The following CA12 variants were observed in gnomAD, a reference collection of about 807,000 sequenced individuals.
CA12 encodes carbonate dehydratase XII.
CA12 carries 36 observed loss-of-function variants against 46.8 expected under a neutral mutation model. The observed-to-expected ratio is 0.77, with a 90% CI of 0.59 to 1.02. CA12 has a LOEUF of 1.02. CA12 is among the 50% of genes least tolerant of loss of function. CA12 has a pLI of 0.00. For missense variants in CA12, 436 were observed against 451.4 expected (o/e 0.97, Z 0.31); for synonymous variants, 202 against 187.0 (o/e 1.08, Z -0.65).
chr15:63,327,985 G>A lies in CA12; in HGVS notation c.907+113C>T. On this transcript the variant is annotated intron_variant, in intron 9 of 10. Coordinates refer to ENST00000178638, the MANE Select transcript of CA12 (RefSeq NM_001218.5). This position sits in a 1 kb window ranked among gnomAD's most constrained non-coding sequence, Gnocchi z 4.5. ...GGGTAAGACCCATAGCAAGGAGAGG[G>A]CCAGGAGCCAGAGCAATAGTACAGA... The A allele has an allele frequency of 1.0e-6, 1 of 991,582 alleles. No homozygotes were observed. Among genetic ancestry groups the A allele is most frequent in the East Asian group, 2.4e-5 (1 of 41,760 alleles). 61.4% of individuals were successfully genotyped at this position (991,582 alleles called of 1,614,324 possible).
Position 63,321,424 on chromosome 15 carries a change from A to G in CA12, c.*4861T>C, listed in dbSNP as rs920812109. On this transcript the variant is annotated 3_prime_UTR_variant, in exon 11 of 11. Transcript: ENST00000178638. This position sits in a 1 kb window ranked among gnomAD's most constrained non-coding sequence, Gnocchi z 4.5. Reference sequence around the variant, plus strand: ...GGTGAATTATTCAATACAGCAAAGTAATCTGGCCCTTATCTCTGCCCAGTC... The same window carrying G: ...GGTGAATTATTCAATACAGCAAAGTGATCTGGCCCTTATCTCTGCCCAGTC... 1 of 152,256 alleles carries G rather than the reference A, an allele frequency of 6.6e-6. No homozygotes were observed. Among genetic ancestry groups the G allele is most frequent in the Admixed American group, 6.5e-5 (1 of 15,290 alleles). The allele number at this position is 152,256 out of a possible 1,614,324, so 9.4% of individuals were successfully genotyped here.
At chr15:63,358,988 C>T (rs539518534) in intron 2 of CA12, among the ~76,000 whole-genome samples, 1 of 152,198 alleles carries the variant, frequency 6.6e-6, no homozygotes, top group African/African-American at 2.4e-5. Flanking sequence ...GAATTGTCCT[C>T]CCGTTTCCCT....
intron 1 of CA12, among the ~76,000 whole-genome samples, chr15:63,376,967 G>A (rs1346401849): frequency 6.6e-6 from 1 of 152,132 alleles, no homozygotes; most frequent in African/African-American, 2.4e-5. Flanking sequence ...CTTTGAGGAA[G>A]CTGCTACCCA....
intron 8 of CA12, among the ~76,000 whole-genome samples, chr15:63,335,052 A>G (rs536898312): frequency 2.6e-5 from 4 of 152,354 alleles, no homozygotes; most frequent in Admixed American, 6.5e-5. Flanking sequence ...ACCCTGGGGC[A>G]GTGGTTTTCC....
rs906962969 is a variant in CA12 at position 63,331,395 on chromosome 15, G to C, written c.875-3265C>G. Among the ~76,000 whole-genome samples, 3 of 152,170 alleles carry C rather than the reference G, an allele frequency of 2.0e-5. No homozygotes were observed. Among genetic ancestry groups the C allele is most frequent in the Non-Finnish European group, 2.9e-5 (2 of 68,030 alleles). On this transcript the variant is annotated intron_variant, in intron 8 of 10. Coordinates refer to ENST00000178638, the MANE Select transcript of CA12 (RefSeq NM_001218.5). This position sits in a 1 kb window ranked among gnomAD's most constrained non-coding sequence, Gnocchi z 5.3. ...GCAGAACTAGAGAAATTCACTTTCA[G>C]GTTAAAGAAATGGTTTGTTTCTGAA...
At position 63,348,586 on chromosome 15, in the gene CA12, C is replaced by T. The variant is rs919568522; in HGVS notation, c.107-1877G>A. Reference sequence around the variant, plus strand: ...GGGCCCACAGCCAGCAGGGCGGAAGCTGCCAGCCAGGCATGAATGCAAAAA... The same window carrying T: ...GGGCCCACAGCCAGCAGGGCGGAAGTTGCCAGCCAGGCATGAATGCAAAAA... On this transcript the variant is annotated intron_variant, in intron 2 of 10. Coordinates refer to ENST00000178638, the MANE Select transcript of CA12 (RefSeq NM_001218.5). The surrounding 1 kb of genome is among the most constrained non-coding windows in gnomAD (Gnocchi z 4.6). Among the ~76,000 whole-genome samples the T allele has an allele frequency of 1.3e-5, 2 of 152,226 alleles. No individual in the cohort carries two copies. The highest frequency in any genetic ancestry group is 2.4e-5 in the African/African-American group (1 of 41,446).
chr15:63,334,273 T>TTTC (rs2038971081), intron 8 of CA12, among the ~76,000 whole-genome samples: 1 of 126,260 alleles, frequency 7.9e-6, no homozygotes, highest in East Asian at 2.2e-4. Context: ...TTTTTTTTTT[T>TTTC]CAGATGGAGT....
chr15:63,373,045 C>A lies in CA12; in HGVS notation c.106+2613G>T, dbSNP rs926444575. 2.0e-5 allele frequency among the ~76,000 whole-genome samples: 3 copies of A among 152,306 alleles called. No homozygotes were observed. In the South Asian group the frequency reaches 6.2e-4, roughly 32 times the overall value. Reference sequence around the variant, plus strand: ...CTGAGAAGCCCGCCCTTGGCGAACACCACGTCATGATGAAGAGGCAGTTAA... The same window carrying A: ...CTGAGAAGCCCGCCCTTGGCGAACAACACGTCATGATGAAGAGGCAGTTAA... On this transcript the variant is annotated intron_variant, in intron 2 of 10. Transcript: ENST00000178638. The surrounding 1 kb of genome is among the most constrained non-coding windows in gnomAD (Gnocchi z 4.9).
chr15:63,334,384 T>C (rs2038973036), intron 8 of CA12, among the ~76,000 whole-genome samples: 1 of 151,202 alleles, frequency 6.6e-6, no homozygotes, highest in African/African-American at 2.4e-5. Flanking sequence ...GCCTCCACAG[T>C]AGATGGGACT....
At chr15:63,367,411 T>C (rs1028548525) in intron 2 of CA12, among the ~76,000 whole-genome samples, 5 of 152,202 alleles carry the variant, frequency 3.3e-5, no homozygotes, top group Non-Finnish European at 7.4e-5. Flanking sequence ...CCATTTCTGA[T>C]AGAGTTTCCA....
intron 8 of CA12, among the ~76,000 whole-genome samples, chr15:63,333,394 T>G (rs1422565757): frequency 2.6e-5 from 4 of 152,196 alleles, no homozygotes; most frequent in African/African-American, 9.7e-5. Flanking sequence ...CTGTCCCCCA[T>G]AGCGCATAAC....
At chr15:63,346,419 C>T (rs2152618315) in intron 3 of CA12, 111 bp downstream of exon 3, 2 of 789,184 alleles carry the variant, frequency 2.5e-6, no homozygotes, top group East Asian at 2.7e-5. Context: ...CGCCCCACCC[C>T]TCCTCCTGGA....
chr15:63,333,185 C>T (rs1239381317), intron 8 of CA12, among the ~76,000 whole-genome samples: 1 of 152,214 alleles, frequency 6.6e-6, no homozygotes, highest in Non-Finnish European at 1.5e-5. Flanking sequence ...AGCATCTGCC[C>T]TACAGTTTTG....
Position 63,371,422 on chromosome 15 carries a change from C to T in CA12, c.106+4236G>A, listed in dbSNP as rs565270478. Among the ~76,000 whole-genome samples, 5 of 152,302 alleles carry T rather than the reference C, an allele frequency of 3.3e-5. No individual in the cohort carries two copies. The South Asian group carries it at 6.2e-4, about 19-fold the overall frequency. Reference sequence around the variant, plus strand: ...CCGAGGGCCACGAGGGCTGGCCTGCCGCAACAGAGAACTGGGCAGGCTGAC... The same window carrying T: ...CCGAGGGCCACGAGGGCTGGCCTGCTGCAACAGAGAACTGGGCAGGCTGAC... On this transcript the variant is annotated intron_variant, in intron 2 of 10. Transcript: ENST00000178638.
At chr15:63,326,965 C>G (rs1052085264) in intron 10 of CA12, among the ~76,000 whole-genome samples, 184 bp downstream of exon 10, 10 of 152,324 alleles carry the variant, frequency 6.6e-5, no homozygotes, top group East Asian at 3.9e-4. Context: ...TTTGAACGAC[C>G]AGGGTCACAT....
chr15:63,347,796 G>T (rs1282281404), intron 2 of CA12, among the ~76,000 whole-genome samples: 2 of 152,222 alleles, frequency 1.3e-5, no homozygotes, highest in African/African-American at 4.8e-5. Flanking sequence ...AGGGTGTCCT[G>T]TGGGCTCTAT....
chr15:63,332,670 A>G (rs974863962), intron 8 of CA12, among the ~76,000 whole-genome samples: 1 of 152,222 alleles, frequency 6.6e-6, no homozygotes, highest in East Asian at 1.9e-4. Context: ...CTGATCGTTA[A>G]TCTCTCTTAA....
At chr15:63,344,033 C>G (rs8023795) in intron 4 of CA12, among the ~76,000 whole-genome samples, 2,529 of 152,334 alleles carry the variant, frequency 0.017, 80 homozygotes, top group African/African-American at 0.058. Flanking sequence ...AACTTATCTT[C>G]ATGGGTTCAG....
At chr15:63,332,895 G>A (rs1016532852) in intron 8 of CA12, among the ~76,000 whole-genome samples, 9 of 152,154 alleles carry the variant, frequency 5.9e-5, no homozygotes, top group African/African-American at 2.2e-4. Flanking sequence ...TGAGTAACAC[G>A]TCAGTCATCC....
Sources: gnomAD v4.1 joint callset for allele counts (sites outside exome capture counted in the v4.1 genomes callset) on GRCh38, gnomAD v4.1.1 for gene constraint, Gnocchi (gnomAD v3.1) non-coding constraint, MANE v1.5 for transcripts, NCBI Gene and HGNC (gene_info 2026-07-23, HGNC 2026-07-21) for gene names.